AATF: variants seen among roughly 807,000 people sequenced by gnomAD.
AATF encodes apoptosis antagonizing transcription factor, also known as protein AATF.
In AATF, 48 loss-of-function variants were observed where a neutral mutation model predicts 63.7. That is an observed-to-expected ratio of 0.75 (90% CI 0.60 to 0.96). AATF has a LOEUF of 0.96. Ranked by LOEUF, AATF falls within the 40% of genes least tolerant of loss-of-function variation. The pLI is 0.00. For missense variants in AATF, 639 were observed against 685.7 expected, an observed-to-expected ratio of 0.93 and a Z score of 0.76; for synonymous variants, 258 against 247.7, an observed-to-expected ratio of 1.04 and a Z score of -0.39.
chr17:36,978,404 C>T (rs1052436756), intron 4 of AATF, among the ~76,000 whole-genome samples: 1 of 152,080 alleles, frequency 6.6e-6, no homozygotes, highest in Non-Finnish European at 1.5e-5. Flanking sequence ...CTGCATAGAT[C>T]GCACGCCTTC....
chr17:36,968,304 A>C (rs1233947524), intron 4 of AATF, among the ~76,000 whole-genome samples: 1 of 20,570 alleles, frequency 4.9e-5, no homozygotes, highest in African/African-American at 1.6e-4. Context: ...TTTTTTTGAG[A>C]TAGGCTCTCA....
At chr17:37,015,375 T>G (rs1486478460) in intron 8 of AATF, among the ~76,000 whole-genome samples, 2 of 152,190 alleles carry the variant, frequency 1.3e-5, no homozygotes, top group African/African-American at 4.8e-5. Context: ...TTCTGGAGGT[T>G]GTAAAGTCCA....
intron 2 of AATF, among the ~76,000 whole-genome samples, chr17:36,951,247 T>C (rs979645315): frequency 4.6e-5 from 7 of 152,230 alleles, no homozygotes; most frequent in Non-Finnish European, 8.8e-5. Flanking sequence ...TAGGTTATGA[T>C]ATCTATGATT....
At chr17:37,040,726 A>G (rs908196768) in intron 11 of AATF, among the ~76,000 whole-genome samples, 3 of 119,126 alleles carry the variant, frequency 2.5e-5, no homozygotes, top group Admixed American at 9.8e-5. Context: ...GGGGGGGGGA[A>G]CTTCTTTAGA....
At position 36,953,234 on chromosome 17, in the gene AATF, CCTT is replaced by C; in HGVS notation, c.635_637del (p.Phe212del). On this transcript the variant is annotated inframe_deletion, in exon 3 of 12. Transcript: ENST00000619387. Reference sequence around the variant, plus strand: ...AGTGAGGATGATGGTGTGGTGATGACCTTCTCTAGTGTCAAAGTTTCTGAGGAA... The same window carrying C: ...AGTGAGGATGATGGTGTGGTGATGACCTCTAGTGTCAAAGTTTCTGAGGAA... 1 of 1,614,138 alleles carries C rather than the reference CCTT, an allele frequency of 6.2e-7. No individual in the cohort carries two copies. The highest frequency in any genetic ancestry group is 1.1e-5 in the South Asian group (1 of 91,068).
At chr17:37,007,468 C>G (rs771501520) in intron 8 of AATF, among the ~76,000 whole-genome samples, 2 of 148,032 alleles carry the variant, frequency 1.4e-5, no homozygotes, top group Non-Finnish European at 3.0e-5. Context: ...CCTTCCAAAG[C>G]GTTGTGATTA....
At chr17:36,954,614 A>G (rs962964133) in intron 4 of AATF, among the ~76,000 whole-genome samples, 1 of 152,228 alleles carries the variant, frequency 6.6e-6, no homozygotes, top group Non-Finnish European at 1.5e-5. Flanking sequence ...AACACATTTT[A>G]GAGGAGAATT....
At chr17:36,980,866 A>G (rs952713373) in intron 4 of AATF, among the ~76,000 whole-genome samples, 2 of 145,774 alleles carry the variant, frequency 1.4e-5, no homozygotes, top group African/African-American at 5.1e-5. Context: ...TTGTCCATGT[A>G]TTGGGCCACT....
chr17:37,011,057 T>A (rs946852879), intron 8 of AATF, among the ~76,000 whole-genome samples: 5 of 152,212 alleles, frequency 3.3e-5, no homozygotes, highest in African/African-American at 9.6e-5. Flanking sequence ...TTTATTCTTG[T>A]TTCTCCAGTG....
intron 8 of AATF, among the ~76,000 whole-genome samples, chr17:36,998,081 T>C (rs1204690927): frequency 6.6e-6 from 1 of 151,436 alleles, no homozygotes; most frequent in East Asian, 1.9e-4. Context: ...GGGGGAAGAG[T>C]GGAAGAGGGG....
chr17:37,030,577 A>G lies in AATF; in HGVS notation c.1548-1037A>G, dbSNP rs189649319. Among the ~76,000 whole-genome samples, 151 of 152,322 alleles carry G rather than the reference A, an allele frequency of 9.9e-4. 2 individuals carry two copies. In the East Asian group the frequency reaches 0.018, roughly 18 times the overall value. ...CTAGAGCATCTCAAACACATCATAC[A>G]AAATATTTTTTTTTCCATTTGGTGG... On this transcript the variant is annotated intron_variant, in intron 10 of 11. Transcript: ENST00000619387.
chr17:37,009,825 A>G (rs2071373856), intron 8 of AATF, among the ~76,000 whole-genome samples: 1 of 132,292 alleles, frequency 7.6e-6, no homozygotes, highest in African/African-American at 3.2e-5. Flanking sequence ...CTCCGTCTCA[A>G]AAAAAAAAAA....
intron 5 of AATF, among the ~76,000 whole-genome samples, chr17:36,987,887 A>T (rs2071181484): frequency 6.6e-6 from 1 of 152,234 alleles, no homozygotes; most frequent in South Asian, 2.1e-4. Context: ...TTAATTTTTA[A>T]ATACTGTCCT....
chr17:37,046,674 T>C (rs905335550), intron 11 of AATF, among the ~76,000 whole-genome samples: 1 of 151,760 alleles, frequency 6.6e-6, no homozygotes, highest in African/African-American at 2.4e-5. Flanking sequence ...ATACCCTCAC[T>C]AATTCCTGCG....
chr17:37,054,503 C>T (rs1202889899), intron 11 of AATF: 2 of 152,126 alleles, frequency 1.3e-5, no homozygotes, highest in African/African-American at 2.4e-5. Context: ...GAACCCAGAC[C>T]ACTCAGCTTC....
rs1220324176 is a variant in AATF, at chr17:37,039,542, T to C, written c.1619+7857T>C. On this transcript the variant is annotated intron_variant, in intron 11 of 11. Coordinates refer to ENST00000619387, the MANE Select transcript of AATF (RefSeq NM_012138.4). ...GATTACAGCTTTGCATTAACTCGGA[T>C]TGACATAGTTTATAATTTGCTTGTT... Among the ~76,000 whole-genome samples the C allele has an allele frequency of 2.0e-5, 3 of 152,292 alleles. No individual in the cohort carries two copies. The East Asian group carries it at 5.8e-4, about 29-fold the overall frequency.
chr17:36,949,154 A>G lies in AATF; in HGVS notation c.29A>G (p.Gln10Arg), dbSNP rs1202454489. ...GCGGGGCCGCAGCCCCTGGCGCTGCAACTGGAACAGTTGTTGAACCCGCGA... is the reference window on the plus strand; with the variant it reads ...GCGGGGCCGCAGCCCCTGGCGCTGCGACTGGAACAGTTGTTGAACCCGCGA... MAGPQPLAL[Q>R]LEQLLNPRPS... The change falls in exon 1 of 12, where the codon CAA (glutamine) becomes CGA (arginine). Residue 10 changes from glutamine (Q) to arginine (R), a missense_variant. Gln to Arg is a conservative substitution (Grantham distance 43). Coordinates refer to ENST00000619387, the MANE Select transcript of AATF (RefSeq NM_012138.4). 1.3e-6 allele frequency: 2 copies of G among 1,589,046 alleles called. No individual in the cohort carries two copies. Among genetic ancestry groups the G allele is most frequent in the Admixed American group, 1.8e-5 (1 of 55,400 alleles).
intron 8 of AATF, among the ~76,000 whole-genome samples, chr17:36,998,364 G>C (rs567582097): frequency 6.6e-6 from 1 of 152,206 alleles, no homozygotes; most frequent in Non-Finnish European, 1.5e-5. Flanking sequence ...CATGACTGTT[G>C]TAAGATTTAC....
intron 11 of AATF, chr17:37,043,249 T>C (rs2071658464): frequency 6.6e-6 from 1 of 152,276 alleles, no homozygotes; most frequent in Non-Finnish European, 1.5e-5. Flanking sequence ...TCTCTCCTTA[T>C]CGCCTATTTC....
Sources: gnomAD v4.1 joint callset for allele counts (sites outside exome capture counted in the v4.1 genomes callset) on GRCh38, gnomAD v4.1.1 for gene constraint, MANE v1.5 for transcripts, NCBI Gene and HGNC (gene_info 2026-07-23, HGNC 2026-07-21) for gene names.